KCTD1: variants seen among roughly 807,000 people sequenced by gnomAD.
The protein encoded by KCTD1 is BTB/POZ domain-containing protein KCTD1.
In KCTD1, 24 loss-of-function variants were observed where a neutral mutation model predicts 66.0. That is an observed-to-expected ratio of 0.36 (90% CI 0.26 to 0.51). KCTD1 has a LOEUF of 0.51. KCTD1 is among the 20% of genes least tolerant of loss of function. The pLI, the probability that KCTD1 is intolerant of heterozygous loss-of-function variation, is 0.95. For synonymous variants in KCTD1, 511 were observed against 517.2 expected (o/e 0.99, Z 0.16); for missense variants, 943 against 1,205.2 (o/e 0.78, Z 3.22).
intron 1 of KCTD1, among the ~76,000 whole-genome samples, chr18:26,530,697 A>G (rs960559650): frequency 2.0e-5 from 3 of 152,248 alleles, no homozygotes; most frequent in African/African-American, 7.2e-5. Context: ...ACTTGACTTA[A>G]CCTTCAGGGC....
At chr18:26,477,288 C>T (rs1272268181) in intron 2 of KCTD1, among the ~76,000 whole-genome samples, 2 of 152,128 alleles carry the variant, frequency 1.3e-5, no homozygotes, top group Non-Finnish European at 2.9e-5. Context: ...AATTTGGCCA[C>T]CCCCAAAATA....
At chr18:26,522,664 G>A (rs1983970257) in intron 1 of KCTD1, among the ~76,000 whole-genome samples, 1 of 152,248 alleles carries the variant, frequency 6.6e-6, no homozygotes, top group East Asian at 1.9e-4. Context: ...TGTGGACCAT[G>A]CCCATTACCA....
chr18:26,648,841 A>G lies in KCTD1; in HGVS notation c.9+8519T>C, dbSNP rs549242003. Among the ~76,000 whole-genome samples, 34 of 152,334 alleles carry G rather than the reference A, an allele frequency of 2.2e-4. No homozygotes were observed. In the East Asian group the frequency reaches 5.0e-3, roughly 22 times the overall value. Reference sequence around the variant, plus strand: ...AGTTACTTTATCTCTCCGCACTTCCATCTCCTCATCTAAAACATGGGGATG... The same window carrying G: ...AGTTACTTTATCTCTCCGCACTTCCGTCTCCTCATCTAAAACATGGGGATG... On this transcript the variant is annotated intron_variant, in intron 1 of 4. Transcript: ENST00000580191.
chr18:26,494,185 C>A (rs1355824951), intron 2 of KCTD1, among the ~76,000 whole-genome samples: 2 of 151,926 alleles, frequency 1.3e-5, no homozygotes, highest in African/African-American at 4.8e-5. Context: ...GCCCTGGCAA[C>A]ATAGTGAGAC....
chr18:26,462,336 G>C (rs373421898), intron 3 of KCTD1, among the ~76,000 whole-genome samples: 2 of 152,248 alleles, frequency 1.3e-5, no homozygotes, highest in African/African-American at 4.8e-5. Context: ...CCCTGGGCTA[G>C]AGTCTCATGG....
intron 1 of KCTD1, among the ~76,000 whole-genome samples, chr18:26,528,260 C>A (rs1222004234): frequency 6.6e-6 from 1 of 152,132 alleles, no homozygotes; most frequent in Non-Finnish European, 1.5e-5. Flanking sequence ...AATGGGGAGC[C>A]AGGATCCTTT....
intron 2 of KCTD1, among the ~76,000 whole-genome samples, chr18:26,496,378 A>C (rs895979479): frequency 1.3e-5 from 2 of 152,168 alleles, no homozygotes; most frequent in Non-Finnish European, 2.9e-5. Context: ...AAGTGAAATT[A>C]TTGCAGATCT....
chr18:26,647,519 C>CAAAAAAAAAAAAAAAAAAAAAAAAA (rs57856118), intron 1 of KCTD1, among the ~76,000 whole-genome samples: 10 of 57,318 alleles, frequency 1.7e-4, no homozygotes, highest in East Asian at 7.5e-4. Context: ...GACTCCATCT[C>CAAAAAAAAAAAAAAAAAAAAAAAAA]AAAAAAAAAA....
At chr18:26,600,327 T>A in intron 1 of KCTD1, 1 of 1,533,792 alleles carries the variant, frequency 6.5e-7, no homozygotes, top group Non-Finnish European at 9.0e-7. Flanking sequence ...GCAATAGCAA[T>A]CTTCATGATG....
chr18:26,495,988 G>T (rs888782510), intron 2 of KCTD1, among the ~76,000 whole-genome samples: 1 of 152,134 alleles, frequency 6.6e-6, no homozygotes, highest in African/African-American at 2.4e-5. Context: ...TTCTTTTAAA[G>T]CAGAAATTGA....
In KCTD1 at chr18:26,547,850, G is replaced by T; in HGVS notation, c.687C>A (p.Ile229=). ...SGQLYSKSSL[I]SIRSSLNRYL... Reference sequence around the variant, plus strand: ...AGCGGTTGAGGGAGCTGCGGATGCTGATGAGCGACGACTTGCTGTAGAGCT... The same window carrying T: ...AGCGGTTGAGGGAGCTGCGGATGCTTATGAGCGACGACTTGCTGTAGAGCT... Residue 229 remains isoleucine (I), a synonymous_variant, in exon 1 of 5, where the codon ATC becomes ATA. Transcript: ENST00000580059. 1 of 1,541,836 alleles carries T rather than the reference G, an allele frequency of 6.5e-7. No homozygotes were observed. Among genetic ancestry groups the T allele is most frequent in the South Asian group, 1.2e-5 (1 of 84,056 alleles).
At chr18:26,595,921 T>A (rs1000033781) in intron 1 of KCTD1, among the ~76,000 whole-genome samples, 1 of 152,106 alleles carries the variant, frequency 6.6e-6, no homozygotes, top group African/African-American at 2.4e-5. Flanking sequence ...AGTGTGCCCC[T>A]GTAGTCCTAG....
At chr18:26,632,679 T>C (rs1987646622), upstream of KCTD1, among the ~76,000 whole-genome samples, 1 of 152,102 alleles carries the variant, frequency 6.6e-6, no homozygotes, top group Non-Finnish European at 1.5e-5. Flanking sequence ...GATAAGCATA[T>C]AGAAGTGGAG....
intron 1 of KCTD1, among the ~76,000 whole-genome samples, chr18:26,524,226 T>G (rs2144754813): frequency 6.6e-6 from 1 of 152,228 alleles, no homozygotes; most frequent in Admixed American, 6.5e-5. Flanking sequence ...TAGGAACAGC[T>G]CCCAGGACCA....
At chr18:26,513,520 A>G (rs1333087320) in intron 1 of KCTD1, among the ~76,000 whole-genome samples, 1 of 152,242 alleles carries the variant, frequency 6.6e-6, no homozygotes, top group African/African-American at 2.4e-5. Flanking sequence ...CAGTGTTGAC[A>G]TGGAGTAAGG....
upstream of KCTD1, among the ~76,000 whole-genome samples, chr18:26,551,217 T>A (rs1014447261): frequency 1.3e-5 from 2 of 152,210 alleles, no homozygotes; most frequent in Non-Finnish European, 2.9e-5. Context: ...GACGTCAACT[T>A]ATTTCCAGAA....
intron 1 of KCTD1, among the ~76,000 whole-genome samples, chr18:26,570,285 A>T (rs1324614982): frequency 1.3e-5 from 2 of 151,678 alleles, no homozygotes; most frequent in East Asian, 3.9e-4. Context: ...GGAAATTTGG[A>T]AAAAGGCTTC....
chr18:26,584,893 A>G (rs1434263909), intron 1 of KCTD1, among the ~76,000 whole-genome samples: 2 of 152,166 alleles, frequency 1.3e-5, no homozygotes, highest in Non-Finnish European at 2.9e-5. Flanking sequence ...GGCATGTATA[A>G]GACTGGGAGG....
At chr18:26,603,374 G>T (rs1986940901) in intron 1 of KCTD1, among the ~76,000 whole-genome samples, 1 of 150,712 alleles carries the variant, frequency 6.6e-6, no homozygotes, top group Admixed American at 6.6e-5. Context: ...TGAGGCTGCA[G>T]TGAACCAAGA....
Sources: allele counts gnomAD v4.1 joint callset (sites outside exome capture counted in the v4.1 genomes callset), GRCh38; gene constraint gnomAD v4.1.1; transcripts MANE v1.5; gene names NCBI Gene and HGNC (gene_info 2026-07-23, HGNC 2026-07-21).